Variants in ELAVL2 observed in about 807,000 individuals in gnomAD.
The protein encoded by ELAVL2 is ELAV like RNA binding protein 2, also known as ELAV-like protein 2.
A neutral mutation model predicts 34.6 loss-of-function variants in ELAVL2; 4 were observed. That is an observed-to-expected ratio of 0.12 (90% CI 0.06 to 0.26). ELAVL2 has a LOEUF of 0.26. Ranked by LOEUF, ELAVL2 falls within the 10% of genes least tolerant of loss-of-function variation. The pLI is 1.00. For synonymous variants in ELAVL2, 193 were observed against 154.8 expected (o/e 1.25, Z -1.83); for missense variants, 432 against 442.8 (o/e 0.98, Z 0.22).
chr9:23,777,363 C>T (rs894938378), intron 1 of ELAVL2, among the ~76,000 whole-genome samples: 5 of 109,918 alleles, frequency 4.5e-5, no homozygotes, highest in Non-Finnish European at 8.2e-5. Flanking sequence ...GCCACTCTAT[C>T]GCTCTATCTT....
At chr9:23,756,905 C>A (rs3793581) in intron 2 of ELAVL2, among the ~76,000 whole-genome samples, 1 of 152,066 alleles carries the variant, frequency 6.6e-6, no homozygotes, top group African/African-American at 2.4e-5. Flanking sequence ...CTGGACAGAG[C>A]CCAGGACCGT....
intron 1 of ELAVL2, among the ~76,000 whole-genome samples, chr9:23,814,166 C>A (rs2063398322): frequency 6.6e-6 from 1 of 152,192 alleles, no homozygotes; most frequent in Non-Finnish European, 1.5e-5. Flanking sequence ...GCTCACGGAT[C>A]ACCCTTCAGG....
At chr9:23,835,051 G>T in the ELAVL2 span, among the ~76,000 whole-genome samples, 1 of 151,968 alleles carries the variant, frequency 6.6e-6, no homozygotes, top group African/African-American at 2.4e-5. Context: ...CATTTCTAAG[G>T]TTCATAGAGA....
chr9:23,766,170 G>A (rs1309528120), intron 1 of ELAVL2, among the ~76,000 whole-genome samples: 2 of 152,186 alleles, frequency 1.3e-5, no homozygotes, highest in African/African-American at 2.4e-5. Context: ...CGCCAGTAAC[G>A]ATGGATTCCA....
Position 23,751,395 on chromosome 9 carries a change from C to G in ELAVL2, c.229+10611G>C, listed in dbSNP as rs2051989092. Among the ~76,000 whole-genome samples, 3 of 152,220 alleles carry G rather than the reference C, an allele frequency of 2.0e-5. No homozygotes were observed. In the South Asian group the frequency reaches 6.2e-4, roughly 32 times the overall value. ...CTCCCCCATACACACAAACTGAAAT[C>G]TGTAAAGTCTGTGATGACTGAATGA... On this transcript the variant is annotated intron_variant, in intron 2 of 6. Coordinates refer to ENST00000397312, the MANE Select transcript of ELAVL2 (RefSeq NM_004432.5).
Position 23,692,744 on chromosome 9 carries a change from G to C in ELAVL2, c.893C>G (p.Pro298Arg). 2 of 1,614,140 alleles carry C rather than the reference G, an allele frequency of 1.2e-6. No homozygotes were observed. The highest frequency in any genetic ancestry group is 1.7e-6 in the Non-Finnish European group (2 of 1,179,994). The change falls in exon 7 of 7, where the codon CCT becomes CGT. Residue 298 changes from proline (P) to arginine (R), a missense_variant. Coordinates refer to ENST00000397312, the MANE Select transcript of ELAVL2 (RefSeq NM_004432.5). The part of the protein sequence containing the change: ...DESILWQMFG[P>R]FGAVTNVKVI... Reference sequence around the variant, plus strand: ...CTTCACATTGGTGACAGCTCCAAAAGGCCCAAACATTTGCCACAGGATACT... The same window carrying C: ...CTTCACATTGGTGACAGCTCCAAAACGCCCAAACATTTGCCACAGGATACT...
intron 2 of ELAVL2, among the ~76,000 whole-genome samples, chr9:23,731,396 G>C (rs150017027): frequency 6.6e-6 from 1 of 151,996 alleles, no homozygotes; most frequent in East Asian, 1.9e-4. Flanking sequence ...GCCTGAGCCA[G>C]AGTATACCAT....
At chr9:23,779,902 C>A (rs1200620246) in intron 1 of ELAVL2, among the ~76,000 whole-genome samples, 5 of 145,044 alleles carry the variant, frequency 3.4e-5, no homozygotes, top group African/African-American at 1.0e-4. Context: ...CAACTGCAAA[C>A]CTTTAAGGTT....
intron 2 of ELAVL2, among the ~76,000 whole-genome samples, chr9:23,733,929 T>A (rs941494026): frequency 6.6e-6 from 1 of 152,152 alleles, no homozygotes; most frequent in South Asian, 2.1e-4. Context: ...GTCAAATATC[T>A]AGTATCTGTT....
chr9:23,779,953 T>TC (rs937210985), intron 1 of ELAVL2, among the ~76,000 whole-genome samples: 8 of 140,364 alleles, frequency 5.7e-5, no homozygotes, highest in East Asian at 4.3e-4. Flanking sequence ...TTCTTTTTTT[T>TC]CCCCAGAATC....
intron 1 of ELAVL2, among the ~76,000 whole-genome samples, chr9:23,825,568 G>A (rs1437429848): frequency 6.6e-6 from 1 of 151,984 alleles, no homozygotes. Context: ...ACTCCCCCCT[G>A]GCCACATTTA....
chr9:23,786,831 A>C (rs960957328), intron 1 of ELAVL2, among the ~76,000 whole-genome samples: 2 of 151,822 alleles, frequency 1.3e-5, no homozygotes, highest in East Asian at 3.9e-4. Context: ...AAGCCTTTTA[A>C]AAATCTAAGC....
chr9:23,733,519 G>A (rs1015399861), intron 2 of ELAVL2, among the ~76,000 whole-genome samples: 1 of 152,160 alleles, frequency 6.6e-6, no homozygotes, highest in Non-Finnish European at 1.5e-5. Flanking sequence ...GGTCTTGCAG[G>A]GATGACTGCT....
chr9:23,804,493 T>C (rs1335793154), intron 1 of ELAVL2, among the ~76,000 whole-genome samples: 1 of 152,204 alleles, frequency 6.6e-6, no homozygotes, highest in Non-Finnish European at 1.5e-5. Context: ...TACTATATAA[T>C]AGAGATATAT....
At chr9:23,781,692 C>A (rs1429363850) in intron 1 of ELAVL2, among the ~76,000 whole-genome samples, 2 of 151,218 alleles carry the variant, frequency 1.3e-5, no homozygotes, top group East Asian at 3.9e-4. Context: ...TTTTTTAAAT[C>A]TTTTTTTGTT....
chr9:23,761,601 A>G (rs2055023354), intron 2 of ELAVL2, among the ~76,000 whole-genome samples: 3 of 152,194 alleles, frequency 2.0e-5, no homozygotes, highest in Non-Finnish European at 4.4e-5. Context: ...CAAAATGATT[A>G]TATTAACATA....
At chr9:23,805,810 T>C (rs1432456929) in intron 1 of ELAVL2, among the ~76,000 whole-genome samples, 1 of 152,202 alleles carries the variant, frequency 6.6e-6, no homozygotes, top group Admixed American at 6.5e-5. Context: ...CCCCTCCTTA[T>C]TCCTGGCAAA....
intron 1 of ELAVL2, among the ~76,000 whole-genome samples, chr9:23,770,813 T>C (rs1034238863): frequency 1.3e-5 from 2 of 152,086 alleles, no homozygotes; most frequent in African/African-American, 2.4e-5. Context: ...AAATTTAAAG[T>C]AATTTGTTAG....
intron 1 of ELAVL2, among the ~76,000 whole-genome samples, chr9:23,821,014 G>T (rs569164492): frequency 6.6e-6 from 1 of 152,182 alleles, no homozygotes; most frequent in African/African-American, 2.4e-5. Flanking sequence ...CAACGCGGCC[G>T]GTGTTAAGTC....
Sources: allele counts gnomAD v4.1 joint callset (sites outside exome capture counted in the v4.1 genomes callset), GRCh38; gene constraint gnomAD v4.1.1; transcripts MANE v1.5; gene names NCBI Gene and HGNC (gene_info 2026-07-23, HGNC 2026-07-21).